Variants in RYR3 observed in about 807,000 individuals in gnomAD.
RYR3 encodes ryanodine receptor 3.
In RYR3, 207 loss-of-function variants were observed where a neutral mutation model predicts 584.3. The observed-to-expected ratio is 0.35, with a 90% confidence interval of 0.32 to 0.40. RYR3 has a LOEUF of 0.40. Among genes scored for constraint, RYR3 ranks in the 10% least tolerant of loss-of-function variants. The pLI is 1.00. For missense variants in RYR3, 5,616 were observed against 6,089.2 expected, an observed-to-expected ratio of 0.92 and a Z score of 2.59; for synonymous variants, 2,416 against 2,248.5, an observed-to-expected ratio of 1.07 and a Z score of -2.11.
rs1167056964 is a variant in RYR3, at chr15:33,724,108, G to A, written c.6844G>A (p.Gly2282Ser). Residue 2282 changes from glycine to serine, a missense_variant, in exon 45 of 104, where the codon GGC becomes AGC. Gly to Ser is a moderately conservative substitution (Grantham distance 56). Transcript: ENST00000634891. ...DEEEEEIVHM[G>S]NAIMSFYSAL... ...AGAGGAAGAAGAAATCGTGCATATG[G>A]GCAATGCAATTATGTCATTTTATTC... The A allele has an allele frequency of 6.2e-6, 10 of 1,612,606 alleles. No individual in the cohort carries two copies. The highest frequency in any genetic ancestry group is 2.2e-5 in the South Asian group (2 of 90,962).
At chr15:33,603,764 A>G (rs891067968) in intron 18 of RYR3, among the ~76,000 whole-genome samples, 1 of 152,246 alleles carries the variant, frequency 6.6e-6, no homozygotes, top group Admixed American at 6.5e-5. Context: ...ACGTGTAAAC[A>G]GAAGCATAAA....
chr15:33,799,583 G>C (rs1360362834), intron 67 of RYR3, among the ~76,000 whole-genome samples: 1 of 152,196 alleles, frequency 6.6e-6, no homozygotes, highest in Non-Finnish European at 1.5e-5. Flanking sequence ...CTTTCATTTG[G>C]CTATTCCTTG....
chr15:33,393,388 G>C (rs1006834207), intron 1 of RYR3, among the ~76,000 whole-genome samples: 1 of 152,142 alleles, frequency 6.6e-6, no homozygotes, highest in Non-Finnish European at 1.5e-5. Flanking sequence ...TCTATAGAAA[G>C]GTTGTTGGAA....
At position 33,582,750 on chromosome 15, in the gene RYR3, C is replaced by T. The variant is rs189843079; in HGVS notation, c.1573+1107C>T. Among the ~76,000 whole-genome samples, 3 of 152,250 alleles carry T rather than the reference C, an allele frequency of 2.0e-5. No homozygotes were observed. The East Asian group carries it at 5.8e-4, about 29-fold the overall frequency. Reference sequence around the variant, plus strand: ...AGGACTCTTATGCTTAACTTCCTTGCTGCAACTGATCTGAAAAGGAGGTTA... The same window carrying T: ...AGGACTCTTATGCTTAACTTCCTTGTTGCAACTGATCTGAAAAGGAGGTTA... On this transcript the variant is annotated intron_variant, in intron 14 of 103. Coordinates refer to ENST00000634891, the MANE Select transcript of RYR3 (RefSeq NM_001036.6).
chr15:33,721,637 G>C (rs1404825409), intron 43 of RYR3, among the ~76,000 whole-genome samples: 1 of 152,104 alleles, frequency 6.6e-6, no homozygotes, highest in Non-Finnish European at 1.5e-5. Flanking sequence ...ACACAAATGA[G>C]GTACCTCTTA....
At position 33,662,121 on chromosome 15, in the gene RYR3, C is replaced by G. The variant is rs1198629427; in HGVS notation, c.4623-32C>G. On this transcript the variant is annotated intron_variant, in intron 34 of 103. Coordinates refer to ENST00000634891, the MANE Select transcript of RYR3 (RefSeq NM_001036.6). ...TGGATTCTGGTGGGTTCTTCTCCCC[C>G]TGGTGTGGCTGATTGCTCGTCCTGT... is the stretch of plus-strand genomic sequence containing the variant. 4.6e-6 allele frequency: 7 copies of G among 1,521,806 alleles called. No homozygotes were observed. The East Asian group carries it at 1.2e-4, about 25-fold the overall frequency. 94.3% of individuals were successfully genotyped at this position (1,521,806 alleles called of 1,614,324 possible).
intron 51 of RYR3, among the ~76,000 whole-genome samples, chr15:33,741,538 A>G (rs2070109416): frequency 6.6e-6 from 1 of 152,324 alleles, no homozygotes; most frequent in East Asian, 1.9e-4. Flanking sequence ...AACAGAAGGG[A>G]CAAGAGCTGT....
intron 102 of RYR3, among the ~76,000 whole-genome samples, chr15:33,863,879 T>C (rs952619906): frequency 3.9e-5 from 6 of 152,220 alleles, no homozygotes; most frequent in African/African-American, 1.4e-4. Context: ...AAATGCTACC[T>C]TGCAAGTGAT....
intron 93 of RYR3, chr15:33,846,939 T>G (rs2152990229): frequency 6.6e-6 from 1 of 152,342 alleles, no homozygotes; most frequent in Middle Eastern, 3.4e-3. Flanking sequence ...GGAGTACAGA[T>G]TATACTGTGA....
intron 36 of RYR3, among the ~76,000 whole-genome samples, chr15:33,667,316 C>A (rs138330790): frequency 0.015 from 2,268 of 152,222 alleles, 40 homozygotes; most frequent in Middle Eastern, 0.037. Flanking sequence ...GGGTCGTGGC[C>A]CTATAGGCAG....
rs1555427020 is a variant in RYR3 at position 33,725,180 on chromosome 15, C to CACACACACACACACATATAT, written c.6912+1019_6912+1020insTATATACACACACACACACA. 9.4e-3 allele frequency among the ~76,000 whole-genome samples: 1,353 copies of CACACACACACACACATATAT among 143,874 alleles called. 28 individuals carry two copies. Among genetic ancestry groups the CACACACACACACACATATAT allele is most frequent in the South Asian group, 0.03 (119 of 3,916 alleles). The allele number at this position is 143,874 out of a possible 152,430, so 94.4% of individuals were successfully genotyped here. Reference sequence around the variant, plus strand: ...ACACACACACACACACACACACACACACACACACACACACACACACACATA... The same window carrying CACACACACACACACATATAT: ...ACACACACACACACACACACACACACACACACACACACACATATATACACACACACACACACACACACATA... On this transcript the variant is annotated intron_variant, in intron 45 of 103. Transcript: ENST00000634891.
At chr15:33,539,822 G>A (rs896025292) in intron 6 of RYR3, among the ~76,000 whole-genome samples, 14 of 152,130 alleles carry the variant, frequency 9.2e-5, no homozygotes, top group African/African-American at 3.4e-4. Flanking sequence ...TCATAAGGAA[G>A]AGAAAGTATA....
chr15:33,336,453 A>AAG (rs1567046377), intron 1 of RYR3, among the ~76,000 whole-genome samples: 25 of 20,082 alleles, frequency 1.2e-3, no homozygotes, highest in East Asian at 1.9e-3. Context: ...AGAGAGAGAG[A>AAG]GAGAGAGAGA....
intron 101 of RYR3, 136 bp from the exon 102 acceptor site, chr15:33,860,942 A>C: frequency 1.4e-6 from 1 of 714,872 alleles, no homozygotes; most frequent in Non-Finnish European, 2.4e-6. Context: ...GTATGGCACT[A>C]CTGAGTGAAT....
chr15:33,524,912 T>C (rs2054280746), intron 3 of RYR3, among the ~76,000 whole-genome samples: 1 of 152,232 alleles, frequency 6.6e-6, no homozygotes, highest in South Asian at 2.1e-4. Context: ...TTCTGTAGTC[T>C]ATTAAATGTT....
intron 1 of RYR3, among the ~76,000 whole-genome samples, chr15:33,405,492 C>T (rs1417685443): frequency 6.6e-6 from 1 of 152,162 alleles, no homozygotes; most frequent in Non-Finnish European, 1.5e-5. Flanking sequence ...ATTCTGGAGA[C>T]CCATGAAACC....
intron 12 of RYR3, among the ~76,000 whole-genome samples, chr15:33,575,836 A>ATTTT (rs2058272891): frequency 1.8e-5 from 2 of 111,090 alleles, no homozygotes; most frequent in South Asian, 6.3e-4. Flanking sequence ...GCTGGTTTTA[A>ATTTT]AAAAAAAAAA....
Position 33,821,285 on chromosome 15 carries a change from A to G in RYR3, c.10831A>G (p.Lys3611Glu). Residue 3611 changes from lysine to glutamate, a missense_variant, in exon 79 of 104, where the codon AAG becomes GAG. Transcript: ENST00000634891. ...TTCCCCCCAGGAGAAAGAGATGGAG[A>G]AGCAAAAAACCCTCTATCAGCAAGC... ...EKTFEEKEMEKQKTLYQQARL... is the reference protein window; with the variant it reads ...EKTFEEKEMEEQKTLYQQARL... 1 of 1,597,212 alleles carries G rather than the reference A, an allele frequency of 6.3e-7. No individual in the cohort carries two copies. Among genetic ancestry groups the G allele is most frequent in the Non-Finnish European group, 8.5e-7 (1 of 1,172,026 alleles).
Position 33,838,727 on chromosome 15 carries a change from G to A in RYR3, c.12747G>A (p.Glu4249=). The A allele has an allele frequency of 1.2e-6, 2 of 1,613,912 alleles. No homozygotes were observed. Among genetic ancestry groups the A allele is most frequent in the Non-Finnish European group, 1.7e-6 (2 of 1,179,878 alleles). Residue 4249 remains glutamate (E), a synonymous_variant, in exon 89 of 104, where the codon GAG becomes GAA. Transcript: ENST00000634891. ...TTGGTATCCATGATGACACTATGGAGGCTGAGAGGGCAGAGGTGATGGAGC... is the reference window on the plus strand; with the variant it reads ...TTGGTATCCATGATGACACTATGGAAGCTGAGAGGGCAGAGGTGATGGAGC... ...TQFGIHDDTM[E]AERAEVMEPG...
Sources: allele counts gnomAD v4.1 joint callset (sites outside exome capture counted in the v4.1 genomes callset), GRCh38; gene constraint gnomAD v4.1.1; transcripts MANE v1.5; gene names NCBI Gene and HGNC (gene_info 2026-07-23, HGNC 2026-07-21).